The following COL24A1 variants were observed in gnomAD, a reference collection of about 807,000 sequenced individuals.
COL24A1 encodes the protein collagen alpha-1(XXIV) chain.
Under a neutral mutation model 253.9 loss-of-function variants are expected in COL24A1, and 224 were observed. The observed-to-expected ratio is 0.88, with a 90% CI of 0.79 to 0.99. COL24A1 has a LOEUF of 0.99. COL24A1 is among the 50% of genes least tolerant of loss of function. The pLI, the probability that COL24A1 is intolerant of heterozygous loss-of-function variation, is 0.00. For missense variants in COL24A1, 2,131 were observed against 2,068.5 expected (o/e 1.03, Z -0.59); for synonymous variants, 685 against 673.7 (o/e 1.02, Z -0.26).
rs576997115 is a variant in COL24A1, at chr1:86,059,168, G to A, written c.1759C>T (p.Pro587Ser). ...GAACCAATATTACCAGCAAATCCTG[G>A]AATTCCCTGAAATAATAAATAAAAT... is the stretch of plus-strand genomic sequence containing the variant. ...LPGLPGEQGI[P>S]GFAGNIGSPG... is the part of the protein sequence containing the mutation. Residue 587 changes from proline (P) to serine (S), a missense_variant, in exon 9 of 60, where the codon CCA (proline) becomes TCA (serine). Physicochemically the swap from Pro to Ser is moderately conservative, Grantham distance 74 (BLOSUM62 -1). Transcript: ENST00000370571. 5 of 1,609,942 alleles carry A rather than the reference G, an allele frequency of 3.1e-6. No homozygotes were observed. Among genetic ancestry groups the A allele is most frequent in the East Asian group, 4.5e-5 (2 of 44,668 alleles).
At chr1:86,102,576 G>A (rs373584157) in intron 5 of COL24A1, among the ~76,000 whole-genome samples, 49 of 152,192 alleles carry the variant, frequency 3.2e-4, no homozygotes, top group African/African-American at 9.6e-4. Context: ...TCTGATATTC[G>A]TATCTTTGTT....
chr1:85,772,486 T>A (rs538414300), intron 53 of COL24A1, among the ~76,000 whole-genome samples: 26 of 152,206 alleles, frequency 1.7e-4, no homozygotes, highest in Admixed American at 6.6e-5. Context: ...TAAATCTTGC[T>A]GCTATAAAGA....
intron 5 of COL24A1, among the ~76,000 whole-genome samples, chr1:86,111,997 G>C (rs1051376639): frequency 2.0e-5 from 3 of 152,008 alleles, no homozygotes; most frequent in Admixed American, 6.6e-5. Context: ...TCACCGCGAG[G>C]GTCCGTGGCT....
At chr1:86,011,272 T>C (rs928638543) in intron 19 of COL24A1, among the ~76,000 whole-genome samples, 3 of 152,202 alleles carry the variant, frequency 2.0e-5, no homozygotes, top group African/African-American at 7.2e-5. Flanking sequence ...TCTAAAGTGG[T>C]AACGGTGGTG....
chr1:85,825,513 T>G (rs1257292723), intron 43 of COL24A1, among the ~76,000 whole-genome samples: 1 of 152,168 alleles, frequency 6.6e-6, no homozygotes, highest in Non-Finnish European at 1.5e-5. Flanking sequence ...ACTCCCACAA[T>G]GGTTGAACTA....
intron 19 of COL24A1, among the ~76,000 whole-genome samples, chr1:85,996,318 CTAAGTA>C (rs1694783363): frequency 6.6e-6 from 1 of 152,034 alleles, no homozygotes; most frequent in African/African-American, 2.4e-5. Context: ...ATATTTTTGG[CTAAGTA>C]TAATTATAGG....
intron 53 of COL24A1, among the ~76,000 whole-genome samples, chr1:85,774,371 G>A (rs1418250005): frequency 1.3e-5 from 2 of 152,140 alleles, no homozygotes; most frequent in Non-Finnish European, 2.9e-5. Context: ...GTATCAGGAT[G>A]ATGCTGGCCT....
chr1:85,817,141 T>G (rs1673120210), intron 46 of COL24A1, among the ~76,000 whole-genome samples: 1 of 152,314 alleles, frequency 6.6e-6, no homozygotes, highest in South Asian at 2.1e-4. Flanking sequence ...CTGTGTAACT[T>G]TTGCGCCTTA....
chr1:85,971,392 C>A lies in COL24A1; in HGVS notation c.2366G>T (p.Gly789Val). Residue 789 changes from glycine (G) to valine (V), a missense_variant and splice_region_variant, in exon 21 of 60, where the codon GGA becomes GTA. Physicochemically the swap from Gly to Val is moderately radical, Grantham distance 109. Coordinates refer to ENST00000370571, the MANE Select transcript of COL24A1 (RefSeq NM_152890.7). ...PGQNGPEGPK[G>V]LLGNRGPPGP... ...AGGAGGTCCTCTATTTCCAAGGAGT[C>A]CCTATAAAAGCAATATAAATGCACA... The A allele has an allele frequency of 6.2e-7, 1 of 1,609,936 alleles. No homozygotes were observed. The highest frequency in any genetic ancestry group is 1.7e-5 in the Admixed American group (1 of 59,482).
At chr1:85,740,801 T>C (rs1426922053) in intron 57 of COL24A1, among the ~76,000 whole-genome samples, 1 of 148,478 alleles carries the variant, frequency 6.7e-6, no homozygotes, top group East Asian at 2.1e-4. Context: ...GTGAATAAAC[T>C]GTGTTCCTAT....
chr1:85,923,326 G>C (rs1157419983), intron 24 of COL24A1, among the ~76,000 whole-genome samples: 1 of 152,170 alleles, frequency 6.6e-6, no homozygotes, highest in East Asian at 1.9e-4. Flanking sequence ...GGATCTAATA[G>C]ACATCTACAG....
At chr1:85,966,408 A>G (rs1472113476) in intron 22 of COL24A1, among the ~76,000 whole-genome samples, 3 of 152,120 alleles carry the variant, frequency 2.0e-5, no homozygotes, top group African/African-American at 7.2e-5. Context: ...CTTTCTAATC[A>G]GTAGAAAGAT....
At chr1:85,797,058 T>G (rs1055775619) in intron 47 of COL24A1, among the ~76,000 whole-genome samples, 17 of 146,416 alleles carry the variant, frequency 1.2e-4, no homozygotes, top group Admixed American at 8.2e-4. Flanking sequence ...AAAAAAAAAA[T>G]TAGCCAGGCA....
At chr1:85,901,704 C>T (rs1684311353) in intron 28 of COL24A1, among the ~76,000 whole-genome samples, 2 of 150,874 alleles carry the variant, frequency 1.3e-5, no homozygotes, top group Non-Finnish European at 2.9e-5. Flanking sequence ...CCCAGCTACT[C>T]AGGAGTCTGA....
chr1:85,946,511 T>C (rs1689338508), intron 24 of COL24A1, among the ~76,000 whole-genome samples: 1 of 152,164 alleles, frequency 6.6e-6, no homozygotes, highest in Non-Finnish European at 1.5e-5. Flanking sequence ...GAAGGAGAAA[T>C]GTAACTGCCT....
chr1:85,988,059 T>C (rs1025138601), intron 19 of COL24A1, among the ~76,000 whole-genome samples: 15 of 151,256 alleles, frequency 9.9e-5, no homozygotes, highest in African/African-American at 3.6e-4. Flanking sequence ...TGTTAACTTA[T>C]AGATTTTTGT....
intron 37 of COL24A1, among the ~76,000 whole-genome samples, chr1:85,861,711 C>G (rs1399177406): frequency 2.6e-5 from 4 of 152,196 alleles, no homozygotes; most frequent in East Asian, 1.9e-4. Context: ...TTATTTTGTT[C>G]TTTTCCTGTA....
intron 55 of COL24A1, among the ~76,000 whole-genome samples, chr1:85,747,101 C>CTTTTTTTTTT (rs34758363): frequency 9.0e-6 from 1 of 111,278 alleles, no homozygotes; most frequent in African/African-American, 3.4e-5. Flanking sequence ...TGAATTATAA[C>CTTTTTTTTTT]TTTTTTTTTT....
intron 57 of COL24A1, among the ~76,000 whole-genome samples, chr1:85,744,224 C>T (rs1664958087): frequency 6.6e-6 from 1 of 152,004 alleles, no homozygotes; most frequent in African/African-American, 2.4e-5. Context: ...ACAAACCGCT[C>T]CCATCTTCAT....
Sources: allele counts gnomAD v4.1 joint callset (sites outside exome capture counted in the v4.1 genomes callset), GRCh38; gene constraint gnomAD v4.1.1; transcripts MANE v1.5; gene names NCBI Gene and HGNC (gene_info 2026-07-23, HGNC 2026-07-21).